Variants in TG observed in about 807,000 individuals in gnomAD.
TG encodes the protein thyroid hormones.
In TG, 270 loss-of-function variants were observed where a neutral mutation model predicts 324.7. That is an observed-to-expected ratio of 0.83 (90% CI 0.75 to 0.92). The LOEUF is 0.92. TG is among the 40% of genes least tolerant of loss of function. The pLI is 0.00. For missense variants in TG, 3,591 were observed against 3,456.4 expected (o/e 1.04, Z -0.98); for synonymous variants, 1,401 against 1,327.0 (o/e 1.06, Z -1.21).
intron 35 of TG, among the ~76,000 whole-genome samples, chr8:132,990,860 G>A (rs972668513): frequency 2.0e-5 from 3 of 151,274 alleles, no homozygotes; most frequent in Middle Eastern, 3.5e-3. Context: ...GGTGGCTGTC[G>A]CTGCTCCAGT....
chr8:133,015,247 A>G (rs1419499120), intron 37 of TG, among the ~76,000 whole-genome samples: 12 of 152,204 alleles, frequency 7.9e-5, no homozygotes, highest in Admixed American at 7.9e-4. Context: ...TAAAACACAA[A>G]TTAGACTGCT....
At chr8:132,915,669 C>A (rs1244219731) in intron 20 of TG, among the ~76,000 whole-genome samples, 3 of 152,188 alleles carry the variant, frequency 2.0e-5, no homozygotes, top group African/African-American at 7.2e-5. Flanking sequence ...TGGTCTCTGT[C>A]TCAGTGACTC....
At chr8:133,060,128 A>C (rs1376457883) in intron 41 of TG, 1 of 1,608,318 alleles carries the variant, frequency 6.2e-7, no homozygotes, top group South Asian at 1.1e-5. Flanking sequence ...GCCTCTCGGC[A>C]GGCGCAGGGG....
intron 35 of TG, among the ~76,000 whole-genome samples, chr8:132,987,404 G>A (rs542760382): frequency 1.3e-5 from 2 of 149,878 alleles, no homozygotes; most frequent in South Asian, 4.2e-4. Flanking sequence ...TATGCACTGT[G>A]TATATGTAAA....
intron 1 of TG, 96 bp from the exon 2 acceptor site, chr8:132,868,019 A>G: frequency 9.1e-7 from 1 of 1,102,182 alleles, no homozygotes; most frequent in Admixed American, 1.7e-5. Flanking sequence ...GGTAATGATG[A>G]TGACCCTGGA....
At chr8:132,995,690 A>T (rs766118175) in intron 35 of TG, among the ~76,000 whole-genome samples, 3 of 152,184 alleles carry the variant, frequency 2.0e-5, no homozygotes, top group Non-Finnish European at 4.4e-5. Context: ...GGGGATGTCC[A>T]CTTGTTAGGA....
intron 22 of TG, among the ~76,000 whole-genome samples, chr8:132,928,141 T>A (rs111868276): frequency 3.3e-4 from 50 of 152,332 alleles, no homozygotes; most frequent in African/African-American, 8.7e-4. Flanking sequence ...TCTGCACTTA[T>A]TATGAAAGCT....
chr8:133,106,902 T>C lies in TG; in HGVS notation c.7573-6520T>C, dbSNP rs145254902. 5.0e-4 allele frequency among the ~76,000 whole-genome samples: 76 copies of C among 152,246 alleles called. 1 individual carries two copies. The highest frequency in any genetic ancestry group is 1.8e-3 in the African/African-American group (74 of 41,550). ...CTGGCATACTCAGGCACTCCGAGCA[T>C]AGTTGTTGAAGGGACGGTAGGATGA... On this transcript the variant is annotated intron_variant, in intron 43 of 47. Transcript: ENST00000220616.
chr8:132,934,061 G>A (rs987036496), intron 24 of TG, among the ~76,000 whole-genome samples: 3 of 152,130 alleles, frequency 2.0e-5, no homozygotes, highest in Non-Finnish European at 2.9e-5. Flanking sequence ...TGGAGGGCAC[G>A]GTGGCTCGCA....
chr8:132,923,307 A>T, intron 21 of TG, 31 bp from the exon 22 acceptor site: 1 of 1,613,654 alleles, frequency 6.2e-7, no homozygotes, highest in African/African-American at 1.3e-5. Context: ...GAGGCCCATT[A>T]TTGACGGCTA....
Position 132,948,811 on chromosome 8 carries a change from G to A in TG, c.5269G>A (p.Val1757Ile). ...IICGLLSSPS[V>I]LLCNVKDWMD... Reference sequence around the variant, plus strand: ...CTGTGGGTTGCTGAGCTCACCCAGTGTCCTGCTTTGTAATGTCAAAGACTG... The same window carrying A: ...CTGTGGGTTGCTGAGCTCACCCAGTATCCTGCTTTGTAATGTCAAAGACTG... The change falls in exon 27 of 48, where the codon GTC becomes ATC. Residue 1757 changes from valine to isoleucine, a missense_variant. By Grantham distance (29) the Val-to-Ile change is conservative. Transcript: ENST00000220616. 2 of 1,614,046 alleles carry A rather than the reference G, an allele frequency of 1.2e-6. No individual in the cohort carries two copies. The highest frequency in any genetic ancestry group is 1.1e-5 in the South Asian group (1 of 91,076).
intron 27 of TG, among the ~76,000 whole-genome samples, chr8:132,954,321 T>C (rs954173087): frequency 1.3e-5 from 2 of 152,226 alleles, no homozygotes; most frequent in African/African-American, 4.8e-5. Context: ...TAGTGCTATG[T>C]TTGTGTCTTA....
chr8:132,925,394 G>A (rs1821699838), intron 22 of TG, among the ~76,000 whole-genome samples: 1 of 152,130 alleles, frequency 6.6e-6, no homozygotes, highest in South Asian at 2.1e-4. Flanking sequence ...GTCCTCCAGG[G>A]AAGCTGGTAC....
intron 45 of TG, among the ~76,000 whole-genome samples, chr8:133,128,924 T>C (rs749066491): frequency 7.2e-5 from 11 of 152,194 alleles, no homozygotes; most frequent in Non-Finnish European, 1.6e-4. Context: ...ACCCCAAGTC[T>C]GCGAGCACCA....
In TG at chr8:132,894,035, C is replaced by T. The variant is rs1052931351; in HGVS notation, c.3001+106C>T. 8.9e-6 allele frequency: 14 copies of T among 1,565,524 alleles called. No individual in the cohort carries two copies. In the African/African-American group the frequency reaches 1.9e-4, roughly 21 times the overall value. Reference sequence around the variant, plus strand: ...TTAGGACTTTGTGGTTTGGCTTCCCCAGACTGATGGGTTCTTGGGAAGGAA... The same window carrying T: ...TTAGGACTTTGTGGTTTGGCTTCCCTAGACTGATGGGTTCTTGGGAAGGAA... On this transcript the variant is annotated intron_variant, in intron 11 of 47. Transcript: ENST00000220616.
At chr8:133,095,910 C>T (rs1353641169) in intron 42 of TG, among the ~76,000 whole-genome samples, 4 of 152,186 alleles carry the variant, frequency 2.6e-5, no homozygotes, top group Non-Finnish European at 5.9e-5. Context: ...CCACTGTCTC[C>T]TCCTGCCTTC....
chr8:133,107,661 C>G (rs1455430000), intron 43 of TG, among the ~76,000 whole-genome samples: 2 of 152,302 alleles, frequency 1.3e-5, no homozygotes, highest in East Asian at 3.9e-4. Context: ...AATTTATCTC[C>G]CACTATTTGG....
chr8:133,096,467 T>C (rs747439457), intron 43 of TG, 94 bp downstream of exon 43: 75 of 1,486,632 alleles, frequency 5.0e-5, no homozygotes, highest in Non-Finnish European at 6.9e-5. Flanking sequence ...TATTGACCAA[T>C]TGCTGAGTAA....
At chr8:132,988,897 G>T (rs1831952682) in intron 35 of TG, 1 of 985,184 alleles carries the variant, frequency 1.0e-6, no homozygotes, top group African/African-American at 1.7e-5. Context: ...TCTCTTAGAG[G>T]TGTGTATTAG....
Sources: gnomAD v4.1 joint callset for allele counts (sites outside exome capture counted in the v4.1 genomes callset) on GRCh38, gnomAD v4.1.1 for gene constraint, MANE v1.5 for transcripts, NCBI Gene and HGNC (gene_info 2026-07-23, HGNC 2026-07-21) for gene names.